The following RAD51B variants were observed in gnomAD, a reference collection of about 807,000 sequenced individuals.
RAD51B encodes DNA repair protein RAD51 homolog 2.
In RAD51B, 38 loss-of-function variants were observed where a neutral mutation model predicts 42.2. That is an observed-to-expected ratio of 0.90 (90% confidence interval 0.70 to 1.18). The LOEUF (loss-of-function observed/expected upper bound fraction) is 1.18, where lower values mean the gene tolerates loss of function less well. RAD51B is among the 50% of genes most tolerant of loss of function. The probability of loss-of-function intolerance (pLI) is 0.00; values close to 1 mark genes in which losing one functional copy is unlikely to be tolerated. For synonymous variants in RAD51B, 154 were observed against 145.2 expected (o/e 1.06, Z -0.43); for missense variants, 373 against 400.7 (o/e 0.93, Z 0.59).
At chr14:68,107,468 C>T (rs2077394300) in intron 7 of RAD51B, among the ~76,000 whole-genome samples, 1 of 151,652 alleles carries the variant, frequency 6.6e-6, no homozygotes, top group Non-Finnish European at 1.5e-5. Context: ...AAACCTTAAC[C>T]AATACTAAAA....
At chr14:68,460,399 G>A (rs1277034171) in intron 9 of RAD51B, among the ~76,000 whole-genome samples, 8 of 152,124 alleles carry the variant, frequency 5.3e-5, no homozygotes, top group South Asian at 4.1e-4. Flanking sequence ...GTTGCAGTGA[G>A]CCAAGATCAC....
chr14:68,053,953 C>T (rs2076434073), intron 7 of RAD51B, among the ~76,000 whole-genome samples: 1 of 152,192 alleles, frequency 6.6e-6, no homozygotes, highest in South Asian at 2.1e-4. Context: ...ACATTGTTCA[C>T]ATATGCACAT....
At chr14:68,089,703 G>A (rs1054242462) in intron 7 of RAD51B, among the ~76,000 whole-genome samples, 1 of 152,068 alleles carries the variant, frequency 6.6e-6, no homozygotes, top group African/African-American at 2.4e-5. Context: ...TCTAAATGTG[G>A]TTCTTTTGGT....
rs192111419 is a variant in RAD51B, at chr14:68,584,333, C to G, written c.1037-10152C>G. 4.6e-5 allele frequency among the ~76,000 whole-genome samples: 7 copies of G among 152,316 alleles called. No homozygotes were observed. The South Asian group carries it at 1.2e-3, about 27-fold the overall frequency. On this transcript the variant is annotated intron_variant, in intron 10 of 10. Transcript: ENST00000487270. ...GCCACATAAGCCAATGGCTGAGGGT[C>G]CTGATCTTGTTACTGATCTGGTTTC...
chr14:67,850,427 G>A (rs575944351), intron 4 of RAD51B, among the ~76,000 whole-genome samples: 2 of 152,220 alleles, frequency 1.3e-5, no homozygotes, highest in South Asian at 2.1e-4. Context: ...ATGTCGAGTA[G>A]GGTCTTTTGT....
intron 10 of RAD51B, among the ~76,000 whole-genome samples, chr14:68,646,002 G>A (rs911478686): frequency 5.3e-5 from 8 of 151,678 alleles, no homozygotes; most frequent in African/African-American, 1.5e-4. Context: ...AATATTCCCC[G>A]GGACAAATTT....
intron 4 of RAD51B, among the ~76,000 whole-genome samples, chr14:67,853,941 C>T (rs986189119): frequency 1.3e-5 from 2 of 152,126 alleles, no homozygotes; most frequent in African/African-American, 4.8e-5. Flanking sequence ...TCAGAGACAC[C>T]AACTCTGCGG....
intron 8 of RAD51B, among the ~76,000 whole-genome samples, chr14:68,345,713 T>C (rs2082664871): frequency 6.6e-6 from 1 of 151,770 alleles, no homozygotes; most frequent in African/African-American, 2.4e-5. Flanking sequence ...CTGGAGTGCC[T>C]GGAGGCATGA....
At chr14:68,544,183 C>T (rs1646031180) in intron 10 of RAD51B, among the ~76,000 whole-genome samples, 1 of 152,198 alleles carries the variant, frequency 6.6e-6, no homozygotes, top group Admixed American at 6.5e-5. Context: ...AAGCCTGCAT[C>T]CCCACTACTC....
chr14:68,559,785 C>G (rs1279521651), intron 10 of RAD51B, among the ~76,000 whole-genome samples: 2 of 152,198 alleles, frequency 1.3e-5, no homozygotes, highest in Non-Finnish European at 2.9e-5. Context: ...CAGGAAAGGT[C>G]TGTCGTCTTG....
chr14:68,607,821 G>A (rs1891511806), intron 10 of RAD51B, among the ~76,000 whole-genome samples: 1 of 152,142 alleles, frequency 6.6e-6, no homozygotes, highest in Non-Finnish European at 1.5e-5. Context: ...GACAGGGGCT[G>A]GCAATGTAGG....
chr14:68,648,422 A>G (rs1892629509), intron 10 of RAD51B, among the ~76,000 whole-genome samples: 1 of 148,290 alleles, frequency 6.7e-6, no homozygotes, highest in South Asian at 2.2e-4. Context: ...TATGGTGAAA[A>G]AGACATTCTA....
chr14:67,904,159 T>C (rs1433854016), intron 7 of RAD51B, among the ~76,000 whole-genome samples: 1 of 152,128 alleles, frequency 6.6e-6, no homozygotes, highest in Non-Finnish European at 1.5e-5. Flanking sequence ...TCACCGTTAG[T>C]GGGCATTTAG....
At chr14:68,281,323 A>G (rs2081316042) in intron 7 of RAD51B, among the ~76,000 whole-genome samples, 2 of 152,218 alleles carry the variant, frequency 1.3e-5, no homozygotes, top group Admixed American at 1.3e-4. Context: ...ACGCAATAGA[A>G]TAATAAGTAA....
At chr14:68,025,182 CAGGA>C (rs2075933071) in intron 7 of RAD51B, among the ~76,000 whole-genome samples, 1 of 152,102 alleles carries the variant, frequency 6.6e-6, no homozygotes, top group African/African-American at 2.4e-5. Context: ...CCTTGCATCT[CAGGA>C]ATGAAGCCTA....
chr14:68,395,739 G>C (rs1012135252), intron 8 of RAD51B, among the ~76,000 whole-genome samples: 7 of 152,182 alleles, frequency 4.6e-5, no homozygotes, highest in Non-Finnish European at 7.3e-5. Context: ...GTGCCTTCTA[G>C]ATGAAGCAAT....
intron 7 of RAD51B, among the ~76,000 whole-genome samples, chr14:68,189,122 A>G (rs2079213752): frequency 6.6e-6 from 1 of 151,846 alleles, no homozygotes; most frequent in African/African-American, 2.4e-5. Context: ...ATATTTTACA[A>G]TAATTAATAT....
downstream of RAD51B, among the ~76,000 whole-genome samples, chr14:68,481,181 G>A (rs1883149802): frequency 6.6e-6 from 1 of 152,068 alleles, no homozygotes; most frequent in South Asian, 2.1e-4. Context: ...CCTTGAGATA[G>A]GTGAGGAAAA....
At chr14:68,087,987 A>T (rs192476020) in intron 7 of RAD51B, among the ~76,000 whole-genome samples, 7,452 of 127,660 alleles carry the variant, frequency 0.058, 593 homozygotes, top group African/African-American at 0.17. Context: ...TAATTATATA[A>T]TATATTATTA....
Sources: allele counts gnomAD v4.1 joint callset (sites outside exome capture counted in the v4.1 genomes callset), GRCh38; gene constraint gnomAD v4.1.1; transcripts MANE v1.5; gene names NCBI Gene and HGNC (gene_info 2026-07-23, HGNC 2026-07-21).